RBFOX1: variants seen among roughly 807,000 people sequenced by gnomAD.
RBFOX1 encodes the protein RNA binding protein fox-1 homolog 1.
Under a neutral mutation model 57.7 loss-of-function variants are expected in RBFOX1, and 8 were observed. The ratio of observed to expected loss-of-function variants is 0.14; its 90% CI spans 0.08 to 0.25. RBFOX1 has a LOEUF of 0.25. Ranked by LOEUF, RBFOX1 falls within the 10% of genes least tolerant of loss-of-function variation. RBFOX1 has a pLI of 1.00. For missense variants in RBFOX1, 611 were observed against 548.5 expected (o/e 1.11, Z -1.14); for synonymous variants, 326 against 222.4 (o/e 1.47, Z -4.15).
At chr16:6,967,520 C>T (rs907500508) in intron 3 of RBFOX1, among the ~76,000 whole-genome samples, 1 of 152,106 alleles carries the variant, frequency 6.6e-6, no homozygotes, top group Non-Finnish European at 1.5e-5. Flanking sequence ...AACAGGAACC[C>T]TTTCATTTGC....
intron 4 of RBFOX1, chr16:7,304,208 G>C (rs1307077383): frequency 1.2e-5 from 10 of 846,266 alleles, no homozygotes; most frequent in Admixed American, 1.4e-4. Flanking sequence ...GAGACAGAGA[G>C]AGAGACAGAG....
chr16:6,861,378 CA>C (rs1263769429), intron 3 of RBFOX1, among the ~76,000 whole-genome samples: 1 of 152,054 alleles, frequency 6.6e-6, no homozygotes, highest in Non-Finnish European at 1.5e-5. Flanking sequence ...ATCTACAAGA[CA>C]AAAGATGGAC....
intron 4 of RBFOX1, among the ~76,000 whole-genome samples, chr16:7,162,442 C>G (rs1197420142): frequency 6.6e-6 from 1 of 151,588 alleles, no homozygotes; most frequent in Admixed American, 6.6e-5. Flanking sequence ...ATAAAAGAAT[C>G]TAGACTTCTG....
chr16:6,485,185 T>C (rs1056145266), intron 2 of RBFOX1, among the ~76,000 whole-genome samples: 1 of 152,200 alleles, frequency 6.6e-6, no homozygotes, highest in Non-Finnish European at 1.5e-5. Context: ...ATCCAGGCTT[T>C]TCATTTAAAA....
At chr16:7,700,056 C>A (rs530630397) in intron 14 of RBFOX1, among the ~76,000 whole-genome samples, 1 of 152,064 alleles carries the variant, frequency 6.6e-6, no homozygotes, top group Non-Finnish European at 1.5e-5. Context: ...CCAGAACCTC[C>A]CTACTTCTCA....
At chr16:6,269,167 A>G (rs911251726) in intron 1 of RBFOX1, among the ~76,000 whole-genome samples, 6 of 152,240 alleles carry the variant, frequency 3.9e-5, no homozygotes, top group African/African-American at 9.6e-5. Flanking sequence ...TGCTGTTTTC[A>G]AAATTATGCT....
intron 4 of RBFOX1, among the ~76,000 whole-genome samples, chr16:7,218,706 G>A (rs2092471443): frequency 6.8e-6 from 1 of 147,150 alleles, no homozygotes; most frequent in African/African-American, 2.6e-5. Flanking sequence ...CTGGCTGTGA[G>A]ACTTTGGTAA....
chr16:6,829,896 C>T (rs1216102083), intron 3 of RBFOX1, among the ~76,000 whole-genome samples: 1 of 151,146 alleles, frequency 6.6e-6, no homozygotes, highest in Non-Finnish European at 1.5e-5. Context: ...ACCACCATGC[C>T]CAGCCCTTTA....
intron 1 of RBFOX1, among the ~76,000 whole-genome samples, chr16:6,239,312 C>T (rs996964458): frequency 6.6e-6 from 1 of 151,946 alleles, no homozygotes; most frequent in African/African-American, 2.4e-5. Flanking sequence ...GGGGTTATTT[C>T]TGGGCCCCAC....
chr16:7,197,604 C>G (rs997900695), intron 4 of RBFOX1, among the ~76,000 whole-genome samples: 2 of 152,112 alleles, frequency 1.3e-5, no homozygotes, highest in Non-Finnish European at 2.9e-5. Context: ...AAAACAAGTA[C>G]TCAAACAAAA....
chr16:7,493,632 T>C (rs1470689904), intron 4 of RBFOX1, among the ~76,000 whole-genome samples: 1 of 152,142 alleles, frequency 6.6e-6, no homozygotes, highest in Non-Finnish European at 1.5e-5. Context: ...ACTGGAGTAA[T>C]GCATTTTGAA....
intron 3 of RBFOX1, among the ~76,000 whole-genome samples, chr16:6,764,721 G>T (rs2077086776): frequency 6.6e-6 from 1 of 152,130 alleles, no homozygotes; most frequent in African/African-American, 2.4e-5. Context: ...TAGGTCACTT[G>T]AGGTCAGGTG....
intron 4 of RBFOX1, among the ~76,000 whole-genome samples, chr16:7,329,773 A>G (rs1236243695): frequency 1.3e-5 from 2 of 152,212 alleles, no homozygotes; most frequent in Non-Finnish European, 2.9e-5. Context: ...GTAACTCAAG[A>G]ACAGCAAAAG....
chr16:6,403,074 A>G (rs2093140231), intron 2 of RBFOX1, among the ~76,000 whole-genome samples: 1 of 151,746 alleles, frequency 6.6e-6, no homozygotes, highest in South Asian at 2.1e-4. Context: ...CGATTGTGTT[A>G]AAACCTTTAG....
chr16:5,528,269 G>A (rs769924018), intron 2 of RBFOX1, among the ~76,000 whole-genome samples: 9 of 152,092 alleles, frequency 5.9e-5, no homozygotes, highest in Non-Finnish European at 8.8e-5. Context: ...TCAGTTTTCC[G>A]TGGGGGAGTG....
chr16:6,624,729 A>G (rs2098279728), intron 2 of RBFOX1, among the ~76,000 whole-genome samples: 1 of 152,152 alleles, frequency 6.6e-6, no homozygotes, highest in Admixed American at 6.6e-5. Flanking sequence ...GAAGAAGAAA[A>G]AGGCTGGAAA....
At chr16:5,860,194 T>C (rs1034989989) in intron 3 of RBFOX1, among the ~76,000 whole-genome samples, 3 of 152,166 alleles carry the variant, frequency 2.0e-5, no homozygotes, top group East Asian at 3.9e-4. Context: ...GTGACTCTCC[T>C]GCCTCAGCCT....
intron 4 of RBFOX1, among the ~76,000 whole-genome samples, chr16:7,175,691 C>A (rs1488736887): frequency 1.3e-5 from 2 of 152,214 alleles, no homozygotes; most frequent in African/African-American, 2.4e-5. Flanking sequence ...CCTGTCAGTT[C>A]AAGCTTCCCG....
At chr16:6,896,001 A>T (rs1249646335) in intron 3 of RBFOX1, among the ~76,000 whole-genome samples, 3 of 152,148 alleles carry the variant, frequency 2.0e-5, no homozygotes, top group African/African-American at 4.8e-5. Context: ...GAAATAATCA[A>T]ATCATGAAGA....
Sources: allele counts gnomAD v4.1 joint callset (sites outside exome capture counted in the v4.1 genomes callset), GRCh38; gene constraint gnomAD v4.1.1; transcripts MANE v1.5; gene names NCBI Gene and HGNC (gene_info 2026-07-23, HGNC 2026-07-21).